HIP1R: variants seen among roughly 807,000 people sequenced by gnomAD.
The protein encoded by HIP1R is huntingtin interacting protein 1 related.
HIP1R carries 135 observed loss-of-function variants against 144.2 expected under a neutral mutation model. That is an observed-to-expected ratio of 0.94 (90% confidence interval 0.81 to 1.08). HIP1R has a LOEUF of 1.08. Ranked by LOEUF, HIP1R falls within the 50% of genes least tolerant of loss-of-function variation. The pLI is 0.00. For synonymous variants in HIP1R, 698 were observed against 612.8 expected, an observed-to-expected ratio of 1.14 and a Z score of -2.05; for missense variants, 1,462 against 1,432.8, an observed-to-expected ratio of 1.02 and a Z score of -0.33.
chr12:122,846,126 C>T (rs971394067), intron 1 of HIP1R, among the ~76,000 whole-genome samples: 6 of 152,326 alleles, frequency 3.9e-5, no homozygotes, highest in Non-Finnish European at 4.4e-5. Flanking sequence ...ACGGACACGC[C>T]TGGCTTGTGA....
chr12:122,857,677 G>T, intron 18 of HIP1R: 1 of 284,418 alleles, frequency 3.5e-6, no homozygotes, highest in South Asian at 5.4e-5. Flanking sequence ...CAAAGTGGCT[G>T]CACCATTTTA....
chr12:122,857,742 T>G, intron 18 of HIP1R: 1 of 269,956 alleles, frequency 3.7e-6, no homozygotes. Context: ...TTGCCAATGC[T>G]TATTATTGTC....
intron 1 of HIP1R, among the ~76,000 whole-genome samples, chr12:122,845,798 G>T (rs1030684989): frequency 6.6e-6 from 1 of 152,198 alleles, no homozygotes; most frequent in Non-Finnish European, 1.5e-5. Flanking sequence ...GGGAGCTGGA[G>T]CTCTGCTGAG....
chr12:122,845,247 C>T (rs774842482), intron 1 of HIP1R, among the ~76,000 whole-genome samples: 1 of 152,198 alleles, frequency 6.6e-6, no homozygotes, highest in Admixed American at 6.5e-5. Context: ...GGGCTTCTCC[C>T]GGGACAGGGC....
chr12:122,860,485 G>T lies in HIP1R; in HGVS notation c.2622G>T (p.Ser874=). 6 of 1,613,252 alleles carry T rather than the reference G, an allele frequency of 3.7e-6. No homozygotes were observed. Among genetic ancestry groups the T allele is most frequent in the Non-Finnish European group, 5.1e-6 (6 of 1,179,996 alleles). Residue 874 remains serine, a synonymous_variant, in exon 27 of 32, where the codon TCG becomes TCT. Coordinates refer to ENST00000253083, the MANE Select transcript of HIP1R (RefSeq NM_003959.3). ...KNSRWTEGLI[S]ASKAVGWGAT... is the part of the protein sequence containing the mutation. Reference sequence around the variant, plus strand: ...CGCGCTGGACCGAAGGCCTCATCTCGGCCTCCAAGGCTGTGGGCTGGGGAG... The same window carrying T: ...CGCGCTGGACCGAAGGCCTCATCTCTGCCTCCAAGGCTGTGGGCTGGGGAG...
At position 122,854,198 on chromosome 12, in the gene HIP1R, G is replaced by T. The variant is rs769420817; in HGVS notation, c.718+15G>T. 4 of 1,609,820 alleles carry T rather than the reference G, an allele frequency of 2.5e-6. No homozygotes were observed. The South Asian group carries it at 3.3e-5, about 13-fold the overall frequency. ...GCTACACTCTTGTGAGTGGCCCAGG[G>T]CAACCCCTGGCCCGGAAGGCTGTGT... On this transcript the variant is annotated intron_variant, in intron 8 of 31. Transcript: ENST00000253083.
chr12:122,854,340 G>GGA (rs1012863479), intron 8 of HIP1R, among the ~76,000 whole-genome samples, 157 bp downstream of exon 8: 3 of 128,580 alleles, frequency 2.3e-5, no homozygotes, highest in African/African-American at 8.7e-5. Flanking sequence ...TATATTTTAT[G>GGA]AAAAAAAAAA....
chr12:122,856,940 G>A, intron 17 of HIP1R, 81 bp from the exon 18 acceptor site: 1 of 1,063,008 alleles, frequency 9.4e-7, no homozygotes, highest in Non-Finnish European at 1.3e-6. Flanking sequence ...AACCCCCAGG[G>A]CCCAGTTTAT....
intron 7 of HIP1R, among the ~76,000 whole-genome samples, chr12:122,851,644 G>A (rs570818180): frequency 2.0e-5 from 3 of 151,424 alleles, no homozygotes; most frequent in East Asian, 3.9e-4. Flanking sequence ...AGATCATGCC[G>A]CTACACTCCA....
chr12:122,860,708 C>T lies in HIP1R; in HGVS notation c.2690C>T (p.Thr897Met), dbSNP rs1214204438. Residue 897 changes from threonine to methionine, a missense_variant, in exon 28 of 32, where the codon ACG becomes ATG. Thr to Met is a moderately conservative substitution (Grantham distance 81). This residue lies in a region of HIP1R where 1,112 missense variants were observed against 1,011.7 expected (regional missense o/e 1.10). Coordinates refer to ENST00000253083, the MANE Select transcript of HIP1R (RefSeq NM_003959.3). Reference sequence around the variant, plus strand: ...GCAGCTGACAAGGTGGTGCTTCACACGGGCAAGTATGAGGAGCTCATCGTC... The same window carrying T: ...GCAGCTGACAAGGTGGTGCTTCACATGGGCAAGTATGAGGAGCTCATCGTC... ...VEAADKVVLH[T>M]GKYEELIVCS... The T allele has an allele frequency of 1.2e-5, 20 of 1,613,370 alleles. No homozygotes were observed. Among genetic ancestry groups the T allele is most frequent in the East Asian group, 2.2e-5 (1 of 44,870 alleles).
intron 2 of HIP1R, 78 bp downstream of exon 2, chr12:122,848,172 C>A: frequency 1.4e-6 from 2 of 1,481,024 alleles, no homozygotes; most frequent in South Asian, 1.1e-5. Flanking sequence ...GGCCTGCGGT[C>A]AGCTGTGCCG....
intron 1 of HIP1R, among the ~76,000 whole-genome samples, chr12:122,843,086 G>A (rs999724874): frequency 6.6e-6 from 1 of 152,212 alleles, no homozygotes; most frequent in Non-Finnish European, 1.5e-5. Flanking sequence ...CTGATCCGGA[G>A]CCCACTCGCA....
At chr12:122,853,871 C>A in intron 7 of HIP1R, 172 bp from the exon 8 acceptor site, 1 of 651,594 alleles carries the variant, frequency 1.5e-6, no homozygotes, top group Non-Finnish European at 2.5e-6. Flanking sequence ...TTCATGGGAG[C>A]ATCTGGTCTT....
chr12:122,854,920 C>A lies in HIP1R; in HGVS notation c.734C>A (p.Thr245Asn). The change falls in exon 9 of 32, where the codon ACC becomes AAC. Residue 245 changes from threonine (T) to asparagine (N), a missense_variant. By Grantham distance (65) the Thr-to-Asn change is moderately conservative (BLOSUM62 0). Transcript: ENST00000253083. ...FKLHSCLPAD[T>N]LQGHRDRFHE... Reference sequence around the variant, plus strand: ...CACCCTCCAGGTCTCCCTGCGGACACCCTGCAAGGCCACAGGGACCGGTTC... The same window carrying A: ...CACCCTCCAGGTCTCCCTGCGGACAACCTGCAAGGCCACAGGGACCGGTTC... The A allele has an allele frequency of 6.2e-7, 1 of 1,612,874 alleles. No homozygotes were observed. Among genetic ancestry groups the A allele is most frequent in the South Asian group, 1.1e-5 (1 of 91,070 alleles).
chr12:122,843,256 T>A (rs2033109128), intron 1 of HIP1R, among the ~76,000 whole-genome samples: 1 of 152,196 alleles, frequency 6.6e-6, no homozygotes, highest in African/African-American at 2.4e-5. Context: ...CCTGAGGGGC[T>A]CCATCTCCAT....
chr12:122,835,465 C>T lies in HIP1R; in HGVS notation c.-86C>T, dbSNP rs929183631. 24 of 1,172,508 alleles carry T rather than the reference C, an allele frequency of 2.0e-5. No homozygotes were observed. The highest frequency in any genetic ancestry group is 3.9e-5 in the East Asian group (1 of 25,330). The allele number at this position is 1,172,508 out of a possible 1,614,324, so 72.6% of individuals were successfully genotyped here. ...GCGGGCCCGGGCGCGGCGCGGTGGC[C>T]TCGCGGTGCCTAGGCTGGGGCTGCC... On this transcript the variant is annotated 5_prime_UTR_variant, in exon 1 of 32. Transcript: ENST00000253083.
Position 122,860,494 on chromosome 12 carries a change from G to A in HIP1R, c.2631G>A (p.Lys877=), listed in dbSNP as rs762873364. The A allele has an allele frequency of 6.2e-7, 1 of 1,613,206 alleles. No individual in the cohort carries two copies. Among genetic ancestry groups the A allele is most frequent in the East Asian group, 2.2e-5 (1 of 44,888 alleles). ...CCGAAGGCCTCATCTCGGCCTCCAA[G>A]GCTGTGGGCTGGGGAGCCACACAGC... ...RWTEGLISAS[K]AVGWGATQLV... Residue 877 remains lysine, a synonymous_variant, in exon 27 of 32, where the codon AAG becomes AAA. Coordinates refer to ENST00000253083, the MANE Select transcript of HIP1R (RefSeq NM_003959.3).
intron 10 of HIP1R, 37 bp downstream of exon 10, chr12:122,855,165 A>G (rs2292138): frequency 0.87 from 1,399,955 of 1,610,920 alleles, 610,619 homozygotes; most frequent in Admixed American, 0.93. Flanking sequence ...CCCTTTGAGG[A>G]CCCCAGGCAC....
At position 122,848,397 on chromosome 12, in the gene HIP1R, T is replaced by C. The variant is rs570054932; in HGVS notation, c.158-69T>C. ...CGGCCCTCTTCCGGCGGCCCTGGCC[T>C]CTCTCAGCCGGGTTTGCTGAGCCCC... On this transcript the variant is annotated intron_variant, in intron 2 of 31. Transcript: ENST00000253083. 5.7e-5 allele frequency: 88 copies of C among 1,544,874 alleles called. 1 individual carries two copies. The East Asian group carries it at 1.9e-3, about 34-fold the overall frequency.
Sources: allele counts gnomAD v4.1 joint callset (sites outside exome capture counted in the v4.1 genomes callset), GRCh38; gene constraint gnomAD v4.1.1; regional missense constraint gnomAD v4.1.1; transcripts MANE v1.5; gene names NCBI Gene and HGNC (gene_info 2026-07-23, HGNC 2026-07-21).